The following TMEFF2 variants were observed in gnomAD, a reference collection of about 807,000 sequenced individuals.
TMEFF2 encodes the protein tomoregulin-2.
In TMEFF2, 28 loss-of-function variants were observed where a neutral mutation model predicts 53.8. The observed-to-expected ratio is 0.52, with a 90% CI of 0.39 to 0.71. The LOEUF is 0.71. Among genes scored for constraint, TMEFF2 ranks in the 30% least tolerant of loss-of-function variants. TMEFF2 has a pLI of 0.00. For synonymous variants in TMEFF2, 162 were observed against 166.3 expected, an observed-to-expected ratio of 0.97 and a Z score of 0.20; for missense variants, 353 against 455.2, an observed-to-expected ratio of 0.78 and a Z score of 2.04.
chr2:192,078,443 C>T (rs1023610918), intron 4 of TMEFF2, among the ~76,000 whole-genome samples: 1 of 152,142 alleles, frequency 6.6e-6, no homozygotes, highest in Non-Finnish European at 1.5e-5. Flanking sequence ...AACCCAGTCT[C>T]TTGTGTTCCT....
intron 4 of TMEFF2, among the ~76,000 whole-genome samples, chr2:192,134,572 C>T (rs1033766219): frequency 3.3e-5 from 5 of 152,176 alleles, no homozygotes; most frequent in Admixed American, 6.5e-5. Context: ...TTCTACTACT[C>T]CTCAAGGATT....
chr2:192,116,823 G>A (rs1689424825), intron 4 of TMEFF2, among the ~76,000 whole-genome samples: 1 of 151,948 alleles, frequency 6.6e-6, no homozygotes, highest in South Asian at 2.1e-4. Flanking sequence ...ATCAAGATCA[G>A]GATTATTAAA....
At chr2:192,065,876 TA>T (rs1297691462) in intron 4 of TMEFF2, among the ~76,000 whole-genome samples, 2 of 151,770 alleles carry the variant, frequency 1.3e-5, no homozygotes, top group Admixed American at 6.6e-5. Context: ...TTCTGTTCTT[TA>T]ATTTGTACAA....
intron 4 of TMEFF2, among the ~76,000 whole-genome samples, chr2:192,117,984 T>TTTTTTTTTTTTTTTTTTTTGAGACGGA (rs1285280749): frequency 2.0e-5 from 3 of 151,288 alleles, no homozygotes; most frequent in African/African-American, 7.3e-5. Context: ...TTGCTTTGTT[T>TTTTTTTTTTTTTTTTTTTTGAGACGGA]GTGGGCTTTA....
chr2:192,169,027 CTT>C (rs1690841703), intron 4 of TMEFF2, among the ~76,000 whole-genome samples: 1 of 151,948 alleles, frequency 6.6e-6, no homozygotes, highest in Non-Finnish European at 1.5e-5. Flanking sequence ...ATTAAGCACA[CTT>C]TTTGTTGTTA....
chr2:192,145,460 G>A (rs1690228338), intron 4 of TMEFF2, among the ~76,000 whole-genome samples: 2 of 151,776 alleles, frequency 1.3e-5, no homozygotes, highest in Admixed American at 1.3e-4. Context: ...CAATTCCTTG[G>A]CAGTAGCAAG....
At chr2:192,109,505 A>G (rs1689226543) in intron 4 of TMEFF2, among the ~76,000 whole-genome samples, 1 of 152,078 alleles carries the variant, frequency 6.6e-6, no homozygotes, top group Non-Finnish European at 1.5e-5. Flanking sequence ...CCAACAATAA[A>G]TAATTTCTGA....
intron 5 of TMEFF2, among the ~76,000 whole-genome samples, chr2:192,005,587 A>G (rs1390409986): frequency 6.6e-6 from 1 of 152,132 alleles, no homozygotes; most frequent in African/African-American, 2.4e-5. Flanking sequence ...GTTTCAAAGC[A>G]CCCAACTATA....
chr2:192,010,736 G>A (rs533030366), intron 5 of TMEFF2, among the ~76,000 whole-genome samples: 1 of 152,254 alleles, frequency 6.6e-6, no homozygotes, highest in South Asian at 2.1e-4. Context: ...ATCAGAGCTT[G>A]GGCTTGTTAG....
intron 4 of TMEFF2, among the ~76,000 whole-genome samples, chr2:192,071,954 A>C (rs184243291): frequency 6.6e-6 from 1 of 152,032 alleles, no homozygotes; most frequent in East Asian, 1.9e-4. Context: ...GCAGCTTATA[A>C]CTAAAGTATG....
chr2:192,055,925 C>T (rs375429091), intron 5 of TMEFF2, among the ~76,000 whole-genome samples: 1 of 152,086 alleles, frequency 6.6e-6, no homozygotes, highest in South Asian at 2.1e-4. Flanking sequence ...GTTTGACAGG[C>T]ATGAAAACTC....
rs71405028 is a variant in TMEFF2 at position 191,955,524 on chromosome 2, A to ATTTTTTTTTTTTTTTTTTTTT, written c.869+710_869+730dup. On this transcript the variant is annotated intron_variant, in intron 8 of 9. Transcript: ENST00000272771. ...TGCCACCGTGCCTGGCTAATTCTTAATTTTTTTTTTTTTTTTTTTTTTTTA... is the reference window on the plus strand; with the variant it reads ...TGCCACCGTGCCTGGCTAATTCTTAATTTTTTTTTTTTTTTTTTTTTTTTTTTTTTTTTTTTTTTTTTTTTA... Among the ~76,000 whole-genome samples, 7 of 60,292 alleles carry ATTTTTTTTTTTTTTTTTTTTT rather than the reference A, an allele frequency of 1.2e-4. 1 individual carries two copies. The highest frequency in any genetic ancestry group is 2.6e-4 in the Admixed American group (1 of 3,902). The allele number at this position is 60,292 out of a possible 152,430, so 39.6% of individuals were successfully genotyped here. A position where few individuals can be genotyped will look rare whatever the true frequency, so the allele number is the denominator to read the frequency against.
rs886385437 is a variant in TMEFF2 at position 192,134,445 on chromosome 2, C to T, written c.439+45223G>A. 2.2e-4 allele frequency among the ~76,000 whole-genome samples: 34 copies of T among 152,214 alleles called. 1 individual carries two copies. In the South Asian group the frequency reaches 4.8e-3, roughly 21 times the overall value. ...TCGCCACACACCAGCAAAGGCAGGCCATGCTATAATACAAGCCACTAGCCC... is the reference window on the plus strand; with the variant it reads ...TCGCCACACACCAGCAAAGGCAGGCTATGCTATAATACAAGCCACTAGCCC... On this transcript the variant is annotated intron_variant, in intron 4 of 9. Transcript: ENST00000272771.
intron 7 of TMEFF2, among the ~76,000 whole-genome samples, chr2:191,962,360 A>G (rs1210418008): frequency 6.6e-6 from 1 of 152,220 alleles, no homozygotes; most frequent in Non-Finnish European, 1.5e-5. Flanking sequence ...TGCATATGCT[A>G]TAAATATTCT....
intron 9 of TMEFF2, among the ~76,000 whole-genome samples, chr2:191,951,313 C>T (rs1691873234): frequency 7.9e-6 from 1 of 126,718 alleles, no homozygotes; most frequent in African/African-American, 3.0e-5. Flanking sequence ...AACTTCTCAA[C>T]AGGGCAACTC....
intron 5 of TMEFF2, among the ~76,000 whole-genome samples, chr2:192,055,645 C>G (rs4853657): frequency 6.6e-6 from 1 of 151,346 alleles, no homozygotes; most frequent in East Asian, 2.0e-4. Flanking sequence ...CATGGTGGTG[C>G]GCACCTGTAA....
intron 4 of TMEFF2, among the ~76,000 whole-genome samples, chr2:192,116,864 A>G (rs1689425600): frequency 6.6e-6 from 1 of 152,124 alleles, no homozygotes. Context: ...CATGTTACTT[A>G]TGATTGCTGA....
chr2:192,121,019 C>A (rs1035960867), intron 4 of TMEFF2, among the ~76,000 whole-genome samples: 14 of 152,086 alleles, frequency 9.2e-5, no homozygotes, highest in Non-Finnish European at 1.8e-4. Context: ...CAGACGTGAG[C>A]CACCACACCC....
chr2:192,042,312 T>C (rs1453904901), intron 5 of TMEFF2, among the ~76,000 whole-genome samples: 1 of 152,198 alleles, frequency 6.6e-6, no homozygotes, highest in East Asian at 1.9e-4. Flanking sequence ...GAGTACATGC[T>C]GTTGGAAAAA....
Sources: allele counts gnomAD v4.1 joint callset (sites outside exome capture counted in the v4.1 genomes callset), GRCh38; gene constraint gnomAD v4.1.1; transcripts MANE v1.5; gene names NCBI Gene and HGNC (gene_info 2026-07-23, HGNC 2026-07-21).